ZNF831: variants seen among roughly 807,000 people sequenced by gnomAD.
The protein encoded by ZNF831 is chromosome 20 open reading frame 174.
A neutral mutation model predicts 95.8 loss-of-function variants in ZNF831; 59 were observed. That is an observed-to-expected ratio of 0.62 (90% confidence interval 0.50 to 0.77). The LOEUF (loss-of-function observed/expected upper bound fraction) is 0.77. ZNF831 is among the 30% of genes least tolerant of loss of function. The pLI is 0.00. For synonymous variants in ZNF831, 961 were observed against 925.5 expected, an observed-to-expected ratio of 1.04 and a Z score of -0.70; for missense variants, 2,205 against 2,164.0, an observed-to-expected ratio of 1.02 and a Z score of -0.38.
chr20:59,233,226 A>G (rs1214053267), intron 4 of ZNF831, among the ~76,000 whole-genome samples: 3 of 152,144 alleles, frequency 2.0e-5, no homozygotes, highest in Admixed American at 2.0e-4. Context: ...TTTACAACCC[A>G]GAGGCTCAGG....
chr20:59,178,303 A>G (rs973271060), intron 1 of ZNF831, among the ~76,000 whole-genome samples: 2 of 152,274 alleles, frequency 1.3e-5, no homozygotes, highest in Admixed American at 6.5e-5. Flanking sequence ...ACTCTGCTGT[A>G]TAAACCTTTG....
Position 59,148,448 on chromosome 20 carries a change from G to A in ZNF831, c.-1281+2074G>A, listed in dbSNP as rs991328308. ...TGTAATCCCAGCACTTTGGGAGGCC[G>A]AGACGGGCAGATCACGAGGTCAGGA... is the stretch of plus-strand genomic sequence containing the variant. On this transcript the variant is annotated intron_variant, in intron 2 of 7. Coordinates refer to the ZNF831 transcript ENST00000637017. Among the ~76,000 whole-genome samples the A allele has an allele frequency of 1.3e-4, 15 of 116,948 alleles. 2 individuals are homozygous for A. The highest frequency in any genetic ancestry group is 4.5e-4 in the African/African-American group (13 of 29,134). The allele number at this position is 116,948 out of a possible 152,430, so 76.7% of individuals were successfully genotyped here. A position where few individuals can be genotyped will look rare whatever the true frequency, so the allele number is the denominator to read the frequency against.
rs144723233 is a variant in ZNF831 at position 59,214,001 on chromosome 20, T to C, written c.4027+6945T>C. ...GGCCCCCAAGGCACAATCCCTATTG[T>C]CAAAATTATCTTTGAGAATCCTGCA... On this transcript the variant is annotated intron_variant, in intron 4 of 5. Coordinates refer to ENST00000371030, the MANE Select transcript of ZNF831 (RefSeq NM_178457.3). Among the ~76,000 whole-genome samples the C allele has an allele frequency of 2.5e-3, 376 of 152,296 alleles. 3 individuals carry two copies. Among genetic ancestry groups the C allele is most frequent in the African/African-American group, 8.7e-3 (361 of 41,556 alleles).
intron 1 of ZNF831, among the ~76,000 whole-genome samples, chr20:59,134,040 G>C (rs188733110): frequency 2.6e-5 from 4 of 152,314 alleles, no homozygotes; most frequent in Non-Finnish European, 5.9e-5. Flanking sequence ...CTCCTCCTTG[G>C]TTCCCAGCAG....
intron 3 of ZNF831, among the ~76,000 whole-genome samples, chr20:59,200,470 T>C (rs1984449271): frequency 6.6e-6 from 1 of 152,204 alleles, no homozygotes; most frequent in African/African-American, 2.4e-5. Context: ...AAAGCTTTAT[T>C]AAAGTATAAT....
chr20:59,201,544 A>G (rs182792279), intron 3 of ZNF831, among the ~76,000 whole-genome samples: 3 of 152,312 alleles, frequency 2.0e-5, no homozygotes, highest in Non-Finnish European at 1.5e-5. Context: ...AAGTGTGTCT[A>G]AACAGAGCTT....
chr20:59,224,605 G>C (rs1986316751), intron 4 of ZNF831, among the ~76,000 whole-genome samples: 1 of 152,232 alleles, frequency 6.6e-6, no homozygotes, highest in African/African-American at 2.4e-5. Context: ...CTAGGCATTA[G>C]ACATTGTTTC....
chr20:59,164,264 C>G (rs765129662), intron 1 of ZNF831, among the ~76,000 whole-genome samples, 57 bp downstream of exon 1: 2 of 152,160 alleles, frequency 1.3e-5, no homozygotes, highest in Non-Finnish European at 2.9e-5. Context: ...AAAAAAAACT[C>G]TTTTACTCTA....
At chr20:59,143,956 C>T (rs1979759685) in intron 1 of ZNF831, among the ~76,000 whole-genome samples, 1 of 152,200 alleles carries the variant, frequency 6.6e-6, no homozygotes, top group Non-Finnish European at 1.5e-5. Flanking sequence ...GCTCTAATTA[C>T]CAGTGATTAT....
chr20:59,222,241 G>C (rs1986126964), intron 4 of ZNF831, among the ~76,000 whole-genome samples: 1 of 152,226 alleles, frequency 6.6e-6, no homozygotes, highest in Non-Finnish European at 1.5e-5. Flanking sequence ...GAGCTGGGCT[G>C]GGGGTCGAGC....
Position 59,208,915 on chromosome 20 carries a change from C to A in ZNF831, c.4027+1859C>A, listed in dbSNP as rs920976633. Among the ~76,000 whole-genome samples the A allele has an allele frequency of 2.3e-4, 35 of 152,198 alleles. No individual in the cohort carries two copies. Among genetic ancestry groups the A allele is most frequent in the African/African-American group, 7.7e-4 (32 of 41,440 alleles). On this transcript the variant is annotated intron_variant, in intron 4 of 5. Transcript: ENST00000371030. The surrounding 1 kb of genome is among the most constrained non-coding windows in gnomAD (Gnocchi z 4.2). ...CTTACCACCAGCTCTCTTCCCAGCA[C>A]CTTAAGGACAGCCAAATGGAGCTGC...
At chr20:59,125,792 C>T (rs903382188) in intron 1 of ZNF831, among the ~76,000 whole-genome samples, 5 of 152,106 alleles carry the variant, frequency 3.3e-5, no homozygotes, top group Non-Finnish European at 1.5e-5. Context: ...GGTACCACAT[C>T]GATTTTAATC....
At chr20:59,190,522 G>T (rs1234603493) in intron 1 of ZNF831, among the ~76,000 whole-genome samples, 1 of 152,236 alleles carries the variant, frequency 6.6e-6, no homozygotes, top group African/African-American at 2.4e-5. Context: ...CCATTTTGCA[G>T]ATCTGGAAAC....
chr20:59,126,141 C>T (rs1278955125), intron 1 of ZNF831, among the ~76,000 whole-genome samples: 1 of 152,158 alleles, frequency 6.6e-6, no homozygotes, highest in Non-Finnish European at 1.5e-5. Flanking sequence ...TTAGGAAATG[C>T]CATTTCTTAA....
intron 2 of ZNF831, among the ~76,000 whole-genome samples, chr20:59,195,642 G>A (rs967504576): frequency 6.6e-5 from 10 of 152,206 alleles, no homozygotes; most frequent in African/African-American, 2.4e-4. Context: ...GATGGCATAG[G>A]CTTTCCTCTG....
Position 59,155,589 on chromosome 20 carries a change from T to C in ZNF831, c.-1280-4063T>C, listed in dbSNP as rs1048182225. Among the ~76,000 whole-genome samples the C allele has an allele frequency of 2.0e-5, 3 of 152,308 alleles. No individual in the cohort carries two copies. In the East Asian group the frequency reaches 5.8e-4, roughly 29 times the overall value. ...CTAAATCTTACTGGGAATGATTGCC[T>C]TGGAAGTCCAGGTAAAGCTGGCTTC... On this transcript the variant is annotated intron_variant, in intron 2 of 7. Transcript: ENST00000637017.
intron 2 of ZNF831, among the ~76,000 whole-genome samples, chr20:59,147,884 G>T (rs576438745): frequency 6.6e-6 from 1 of 152,236 alleles, no homozygotes; most frequent in African/African-American, 2.4e-5. Flanking sequence ...ATGATTGTAC[G>T]CATGAAGCCT....
intron 1 of ZNF831, among the ~76,000 whole-genome samples, chr20:59,140,018 A>G (rs1191679091): frequency 6.6e-6 from 1 of 152,260 alleles, no homozygotes; most frequent in Non-Finnish European, 1.5e-5. Context: ...TTAAGTCTCA[A>G]AGAACTCTTA....
At chr20:59,179,770 A>C (rs1982461416) in intron 1 of ZNF831, among the ~76,000 whole-genome samples, 1 of 152,128 alleles carries the variant, frequency 6.6e-6, no homozygotes, top group African/African-American at 2.4e-5. Flanking sequence ...TACCATTTTG[A>C]GATCCTTAAC....
Sources: gnomAD v4.1 joint callset for allele counts (sites outside exome capture counted in the v4.1 genomes callset) on GRCh38, gnomAD v4.1.1 for gene constraint, Gnocchi (gnomAD v3.1) non-coding constraint, MANE v1.5 for transcripts, NCBI Gene and HGNC (gene_info 2026-07-23, HGNC 2026-07-21) for gene names.